The following DNAI7 variants were observed in gnomAD, a reference collection of about 807,000 sequenced individuals.
DNAI7 encodes the protein dynein axonemal intermediate chain 7.
DNAI7 carries 78 observed loss-of-function variants against 86.6 expected under a neutral mutation model. The observed-to-expected ratio is 0.90, with a 90% CI of 0.75 to 1.09. The LOEUF (loss-of-function observed/expected upper bound fraction) is 1.09. Among genes scored for constraint, DNAI7 ranks in the 50% least tolerant of loss-of-function variants. The pLI, the probability that DNAI7 is intolerant of heterozygous loss-of-function variation, is 0.00. For synonymous variants in DNAI7, 274 were observed against 273.0 expected, an observed-to-expected ratio of 1.00 and a Z score of -0.04; for missense variants, 753 against 810.2, an observed-to-expected ratio of 0.93 and a Z score of 0.86.
At position 25,154,411 on chromosome 12, in the gene DNAI7, C is replaced by G; in HGVS notation, c.346G>C (p.Ala116Pro). 2 of 1,611,132 alleles carry G rather than the reference C, an allele frequency of 1.2e-6. No individual in the cohort carries two copies. The highest frequency in any genetic ancestry group is 1.7e-6 in the Non-Finnish European group (2 of 1,179,220). The change falls in exon 6 of 16, where the codon GCC (alanine) becomes CCC (proline). Residue 116 changes from alanine to proline, a missense_variant. Ala to Pro is a conservative substitution (Grantham distance 27). Transcript: ENST00000395987. ...CTAATAAACGTGTTCATTTCTTGGGCTACTGAAGGATCAGGACTCCCATCA... is the reference window on the plus strand; with the variant it reads ...CTAATAAACGTGTTCATTTCTTGGGGTACTGAAGGATCAGGACTCCCATCA... ...QCDGSPDPSV[A>P]QEMNTFISLW...
intron 2 of DNAI7, among the ~76,000 whole-genome samples, chr12:25,173,171 G>A (rs555762894): frequency 5.9e-5 from 9 of 152,190 alleles, no homozygotes; most frequent in Admixed American, 2.0e-4. Context: ...AACCCACAAC[G>A]TGAGAGAAAA....
At chr12:25,174,134 G>GT (rs1948494692) in intron 2 of DNAI7, among the ~76,000 whole-genome samples, 1 of 147,754 alleles carries the variant, frequency 6.8e-6, no homozygotes, top group Admixed American at 6.9e-5. Flanking sequence ...TGATGGGTTT[G>GT]TTTTTTTCTT....
chr12:25,112,606 C>T (rs1278032808), intron 13 of DNAI7, among the ~76,000 whole-genome samples: 1 of 151,852 alleles, frequency 6.6e-6, no homozygotes, highest in Non-Finnish European at 1.5e-5. Context: ...CAGGGTTTCA[C>T]CGTGTTAGCC....
chr12:25,146,936 G>T (rs1268315608), intron 8 of DNAI7, 65 bp downstream of exon 8: 4 of 837,162 alleles, frequency 4.8e-6, no homozygotes, highest in Non-Finnish European at 8.2e-6. Flanking sequence ...CATCTATCTG[G>T]CAATCATGAT....
At chr12:25,150,049 C>T (rs1225830595) in intron 6 of DNAI7, among the ~76,000 whole-genome samples, 1 of 152,038 alleles carries the variant, frequency 6.6e-6, no homozygotes, top group Non-Finnish European at 1.5e-5. Context: ...GAAGAAAGAC[C>T]AGTTCTTTAC....
chr12:25,128,501 T>C (rs1468317032), intron 9 of DNAI7, among the ~76,000 whole-genome samples: 2 of 152,146 alleles, frequency 1.3e-5, no homozygotes, highest in African/African-American at 2.4e-5. Flanking sequence ...CACGTGAACA[T>C]GTACGTAGCA....
intron 1 of DNAI7, among the ~76,000 whole-genome samples, chr12:25,193,057 G>C (rs754542759): frequency 1.1e-4 from 16 of 151,544 alleles, no homozygotes; most frequent in Non-Finnish European, 2.4e-4. Context: ...GAGTTGGGAA[G>C]ATTGCTTGAA....
downstream of DNAI7, chr12:25,108,063 G>C: frequency 6.2e-7 from 1 of 1,612,578 alleles, no homozygotes; most frequent in Non-Finnish European, 8.5e-7. Flanking sequence ...CAGTGTGACA[G>C]CAGGACATCC....
At chr12:25,146,539 G>A (rs965038410) in intron 8 of DNAI7, among the ~76,000 whole-genome samples, 7 of 149,874 alleles carry the variant, frequency 4.7e-5, no homozygotes, top group Non-Finnish European at 1.0e-4. Context: ...GGCAAAGGCT[G>A]TAGTGAGCCG....
At chr12:25,139,742 A>T (rs1416048309) in intron 9 of DNAI7, among the ~76,000 whole-genome samples, 1 of 152,158 alleles carries the variant, frequency 6.6e-6, no homozygotes, top group Non-Finnish European at 1.5e-5. Context: ...AGAAATACCT[A>T]ATGTAGATGA....
intron 2 of DNAI7, among the ~76,000 whole-genome samples, chr12:25,180,973 A>AT (rs1313243941): frequency 6.6e-6 from 1 of 152,004 alleles, no homozygotes; most frequent in Non-Finnish European, 1.5e-5. Context: ...CGATCGGCTA[A>AT]TTTTTTGTAT....
chr12:25,136,547 C>A (rs1342146904), intron 9 of DNAI7, among the ~76,000 whole-genome samples: 3 of 152,012 alleles, frequency 2.0e-5, no homozygotes, highest in Non-Finnish European at 4.4e-5. Flanking sequence ...GCAGTAGATC[C>A]AAACCATGAA....
At chr12:25,116,385 C>T (rs972906339) in intron 12 of DNAI7, among the ~76,000 whole-genome samples, 1 of 151,894 alleles carries the variant, frequency 6.6e-6, no homozygotes, top group Non-Finnish European at 1.5e-5. Flanking sequence ...AAATGTTTCC[C>T]CATGGTTTAA....
intron 9 of DNAI7, among the ~76,000 whole-genome samples, chr12:25,133,061 A>G (rs1391131199): frequency 6.6e-6 from 1 of 152,068 alleles, no homozygotes; most frequent in Non-Finnish European, 1.5e-5. Flanking sequence ...CTTAGTAAAG[A>G]TAATAAAATA....
intron 1 of DNAI7, among the ~76,000 whole-genome samples, chr12:25,192,443 T>C (rs1592753709): frequency 6.6e-6 from 1 of 152,344 alleles, no homozygotes; most frequent in Admixed American, 6.5e-5. Flanking sequence ...TTGTTAGAAA[T>C]GCATATTTAT....
intron 6 of DNAI7, among the ~76,000 whole-genome samples, chr12:25,151,256 A>G (rs924672559): frequency 3.9e-5 from 6 of 152,120 alleles, no homozygotes; most frequent in African/African-American, 1.4e-4. Flanking sequence ...CCTATCTCCT[A>G]GTGTTATTAT....
At chr12:25,138,979 A>G (rs1459618724) in intron 9 of DNAI7, among the ~76,000 whole-genome samples, 1 of 152,092 alleles carries the variant, frequency 6.6e-6, no homozygotes, top group Non-Finnish European at 1.5e-5. Flanking sequence ...CCAAGAAAAG[A>G]AGAGAGAAGA....
At chr12:25,116,692 G>A (rs984764742) in intron 12 of DNAI7, among the ~76,000 whole-genome samples, 13 of 151,758 alleles carry the variant, frequency 8.6e-5, no homozygotes, top group Admixed American at 5.9e-4. Flanking sequence ...ACAGGGTTTC[G>A]CCATGTTGGC....
intron 9 of DNAI7, among the ~76,000 whole-genome samples, chr12:25,131,691 A>G (rs975341309): frequency 6.6e-6 from 1 of 152,224 alleles, no homozygotes; most frequent in Admixed American, 6.5e-5. Context: ...AAAAGACAGG[A>G]TAACTTTGAG....
Sources: allele counts gnomAD v4.1 joint callset (sites outside exome capture counted in the v4.1 genomes callset), GRCh38; gene constraint gnomAD v4.1.1; transcripts MANE v1.5; gene names NCBI Gene and HGNC (gene_info 2026-07-23, HGNC 2026-07-21).